HIBADH: variants seen among roughly 807,000 people sequenced by gnomAD.
HIBADH encodes the protein 3-hydroxyisobutyrate dehydrogenase.
A neutral mutation model predicts 36.1 loss-of-function variants in HIBADH; 25 were observed. The ratio of observed to expected loss-of-function variants is 0.69; its 90% CI spans 0.50 to 0.97. The LOEUF (loss-of-function observed/expected upper bound fraction) is 0.97, where lower values mean the gene tolerates loss of function less well. Ranked by LOEUF, HIBADH falls within the 50% of genes least tolerant of loss-of-function variation. The probability of loss-of-function intolerance (pLI) is 0.00; values close to 1 mark genes in which losing one functional copy is unlikely to be tolerated. For missense variants in HIBADH, 421 were observed against 418.0 expected (o/e 1.01, Z -0.06); for synonymous variants, 160 against 149.5 (o/e 1.07, Z -0.51).
At chr7:27,658,975 G>T (rs10081339) in intron 1 of HIBADH, among the ~76,000 whole-genome samples, 31,389 of 151,944 alleles carry the variant, frequency 0.21, 3,563 homozygotes, top group Non-Finnish European at 0.27. Flanking sequence ...TTAGGCCCCG[G>T]ACCATGAGCA....
At chr7:27,582,383 C>T (rs1233749998) in intron 4 of HIBADH, among the ~76,000 whole-genome samples, 1 of 152,082 alleles carries the variant, frequency 6.6e-6, no homozygotes, top group Non-Finnish European at 1.5e-5. Flanking sequence ...GGGGATGTTA[C>T]ATAGCATATG....
chr7:27,539,512 T>G (rs1364639792), intron 5 of HIBADH, among the ~76,000 whole-genome samples: 2 of 152,060 alleles, frequency 1.3e-5, no homozygotes, highest in African/African-American at 4.8e-5. Context: ...ACTAACAATT[T>G]CAGTGTTCAG....
intron 6 of HIBADH, among the ~76,000 whole-genome samples, chr7:27,536,746 G>T (rs1399303260): frequency 2.0e-5 from 3 of 152,094 alleles, no homozygotes; most frequent in African/African-American, 7.2e-5. Context: ...AGTTCTGACA[G>T]GAAAATTATT....
At chr7:27,570,329 A>T (rs1403429155) in intron 4 of HIBADH, among the ~76,000 whole-genome samples, 1 of 152,146 alleles carries the variant, frequency 6.6e-6, no homozygotes, top group Non-Finnish European at 1.5e-5. Context: ...CTAAGGTGAC[A>T]GTTACTTGTA....
chr7:27,577,127 C>T (rs184245012), intron 4 of HIBADH, among the ~76,000 whole-genome samples: 38 of 151,114 alleles, frequency 2.5e-4, no homozygotes, highest in Admixed American at 1.4e-3. Flanking sequence ...GAAATTACTT[C>T]TACAGCACAT....
At chr7:27,535,856 T>G (rs1784064153) in intron 6 of HIBADH, among the ~76,000 whole-genome samples, 1 of 152,116 alleles carries the variant, frequency 6.6e-6, no homozygotes, top group African/African-American at 2.4e-5. Flanking sequence ...AAGATTTTAT[T>G]CTTCAATTTT....
In HIBADH at chr7:27,629,229, G is replaced by A. The variant is rs137953527; in HGVS notation, c.484+142C>T. On this transcript the variant is annotated intron_variant, in intron 4 of 7. Coordinates refer to ENST00000265395, the MANE Select transcript of HIBADH (RefSeq NM_152740.4). ...TTTAGACTTGAGAGTACTAAATAAC[G>A]TATCAGTTTGGCTTTATTTTTAATG... The A allele has an allele frequency of 2.4e-3, 1,600 of 668,330 alleles. 20 individuals carry two copies. The African/African-American group carries it at 0.026, about 11-fold the overall frequency. The allele number at this position is 668,330 out of a possible 1,614,324, so 41.4% of individuals were successfully genotyped here. A position where few individuals can be genotyped will look rare whatever the true frequency, so the allele number is the denominator to read the frequency against.
At chr7:27,623,023 A>T (rs948311251) in intron 4 of HIBADH, among the ~76,000 whole-genome samples, 3 of 152,188 alleles carry the variant, frequency 2.0e-5, no homozygotes, top group African/African-American at 7.2e-5. Context: ...ACAAAATACT[A>T]GCAAACAGAA....
At position 27,537,435 on chromosome 7, in the gene HIBADH, ATTAC is replaced by A. The variant is rs1264125418; in HGVS notation, c.695+902_695+905del. 1.2e-4 allele frequency among the ~76,000 whole-genome samples: 18 copies of A among 152,216 alleles called. No individual in the cohort carries two copies. The East Asian group carries it at 3.5e-3, about 29-fold the overall frequency. On this transcript the variant is annotated intron_variant, in intron 6 of 7. Coordinates refer to ENST00000265395, the MANE Select transcript of HIBADH (RefSeq NM_152740.4). ...TATCTCAAGTATGTTGGCTCTTTTT[ATTAC>A]TTTTATCAAAAGCTATGGTATGAAA...
At chr7:27,540,574 C>T (rs570135559) in intron 5 of HIBADH, among the ~76,000 whole-genome samples, 3 of 152,290 alleles carry the variant, frequency 2.0e-5, no homozygotes, top group African/African-American at 7.2e-5. Context: ...GCCTTCAAGG[C>T]GTTTTCCACA....
intron 2 of HIBADH, among the ~76,000 whole-genome samples, chr7:27,645,387 T>G (rs1342854992): frequency 7.9e-6 from 1 of 127,274 alleles, no homozygotes. Context: ...TTTTTTTTTT[T>G]TTTTTTTTGA....
At chr7:27,534,310 T>C (rs1343409528) in intron 6 of HIBADH, among the ~76,000 whole-genome samples, 2 of 149,690 alleles carry the variant, frequency 1.3e-5, no homozygotes, top group Non-Finnish European at 3.0e-5. Context: ...CTGGGATGTT[T>C]GTATCACAGG....
At position 27,605,708 on chromosome 7, in the gene HIBADH, T is replaced by C. The variant is rs567132638; in HGVS notation, c.484+23663A>G. Among the ~76,000 whole-genome samples the C allele has an allele frequency of 2.0e-5, 3 of 149,460 alleles. No individual in the cohort carries two copies. The South Asian group carries it at 6.6e-4, about 33-fold the overall frequency. On this transcript the variant is annotated intron_variant, in intron 4 of 7. Coordinates refer to ENST00000265395, the MANE Select transcript of HIBADH (RefSeq NM_152740.4). ...TACTTTCGTTTTAATATCAACAACC[T>C]AAAAACAAATATTTAGAGTTTAGAA...
chr7:27,660,659 C>A (rs907400073), intron 1 of HIBADH, among the ~76,000 whole-genome samples: 3 of 142,730 alleles, frequency 2.1e-5, no homozygotes, highest in African/African-American at 5.5e-5. Flanking sequence ...ACAAAGACTC[C>A]GAGGGAAAAA....
At chr7:27,639,538 G>A (rs558982450) in intron 2 of HIBADH, among the ~76,000 whole-genome samples, 29 of 152,166 alleles carry the variant, frequency 1.9e-4, no homozygotes, top group Admixed American at 1.8e-3. Context: ...AAACTCCTGT[G>A]ACATGCAATT....
intron 4 of HIBADH, among the ~76,000 whole-genome samples, chr7:27,543,974 A>C (rs950713231): frequency 1.3e-5 from 2 of 152,166 alleles, no homozygotes; most frequent in Non-Finnish European, 2.9e-5. Context: ...TAAAACCAAG[A>C]GCGCTATTAC....
intron 4 of HIBADH, among the ~76,000 whole-genome samples, chr7:27,561,026 G>A (rs754266985): frequency 1.3e-5 from 2 of 152,066 alleles, no homozygotes; most frequent in Non-Finnish European, 2.9e-5. Context: ...TAATCTCTTT[G>A]TGGTTTTGAT....
At chr7:27,537,116 C>G (rs962900784) in intron 6 of HIBADH, among the ~76,000 whole-genome samples, 1 of 152,118 alleles carries the variant, frequency 6.6e-6, no homozygotes, top group African/African-American at 2.4e-5. Context: ...AAACTGGCCA[C>G]AATACAAACA....
At chr7:27,640,734 T>C (rs1291384183) in intron 2 of HIBADH, among the ~76,000 whole-genome samples, 2 of 152,202 alleles carry the variant, frequency 1.3e-5, no homozygotes, top group African/African-American at 4.8e-5. Context: ...GAGAGAGCAC[T>C]TACAGACCTT....
Sources: allele counts gnomAD v4.1 joint callset (sites outside exome capture counted in the v4.1 genomes callset), GRCh38; gene constraint gnomAD v4.1.1; transcripts MANE v1.5; gene names NCBI Gene and HGNC (gene_info 2026-07-23, HGNC 2026-07-21).